Variants in NCKAP5 observed in about 807,000 individuals in gnomAD.
The protein encoded by NCKAP5 is NCK associated protein 5, also known as nck-associated protein 5.
A neutral mutation model predicts 167.0 loss-of-function variants in NCKAP5; 92 were observed. That is an observed-to-expected ratio of 0.55 (90% CI 0.47 to 0.66). NCKAP5 has a LOEUF of 0.66. Among genes scored for constraint, NCKAP5 ranks in the 30% least tolerant of loss-of-function variants. The pLI is 0.00. For synonymous variants in NCKAP5, 891 were observed against 877.4 expected (o/e 1.02, Z -0.27); for missense variants, 2,378 against 2,315.0 (o/e 1.03, Z -0.56).
chr2:133,636,332 C>G, the NCKAP5 span, among the ~76,000 whole-genome samples: 1 of 152,098 alleles, frequency 6.6e-6, no homozygotes, highest in African/African-American at 2.4e-5. Flanking sequence ...AGACAGCCAG[C>G]AAAGAACACT....
chr2:133,610,282 G>C, the NCKAP5 span, among the ~76,000 whole-genome samples: 1 of 152,134 alleles, frequency 6.6e-6, no homozygotes, highest in East Asian at 1.9e-4. Flanking sequence ...TAGACCAGAG[G>C]GTTAATGAAA....
At chr2:133,179,509 C>T (rs567537471) in intron 5 of NCKAP5, among the ~76,000 whole-genome samples, 4 of 151,768 alleles carry the variant, frequency 2.6e-5, no homozygotes, top group Non-Finnish European at 4.4e-5. Flanking sequence ...TAGATGACAA[C>T]GAGAAGACAG....
chr2:133,526,233 A>AAGG (rs1427015398), intron 2 of NCKAP5, among the ~76,000 whole-genome samples: 9 of 97,786 alleles, frequency 9.2e-5, no homozygotes, highest in Admixed American at 2.2e-4. Flanking sequence ...GGAAGAAAGG[A>AAGG]AAGGAGGGAG....
intron 3 of NCKAP5, among the ~76,000 whole-genome samples, chr2:133,338,227 G>A (rs1448305586): frequency 1.3e-5 from 2 of 152,174 alleles, no homozygotes; most frequent in African/African-American, 2.4e-5. Flanking sequence ...AAGCAGTGGA[G>A]TGAAATTCTA....
intron 7 of NCKAP5, among the ~76,000 whole-genome samples, chr2:132,966,300 AG>A (rs1313892768): frequency 6.6e-6 from 1 of 152,112 alleles, no homozygotes; most frequent in Admixed American, 6.5e-5. Context: ...GGGTTTCACC[AG>A]GTTAGCCAGG....
chr2:133,122,465 G>A (rs566535103), intron 6 of NCKAP5: 1 of 152,190 alleles, frequency 6.6e-6, no homozygotes, highest in South Asian at 2.1e-4. Context: ...AAACAATTCT[G>A]GTTGTCATAA....
chr2:133,620,969 C>T, the NCKAP5 span, among the ~76,000 whole-genome samples: 77 of 152,168 alleles, frequency 5.1e-4, no homozygotes, highest in African/African-American at 1.8e-3. Context: ...CCAAAAGGAA[C>T]CCTCAAAACC....
chr2:133,374,597 T>C (rs1334895185), intron 3 of NCKAP5, among the ~76,000 whole-genome samples: 2 of 135,100 alleles, frequency 1.5e-5, no homozygotes, highest in East Asian at 4.3e-4. Context: ...ATGTTGGTGA[T>C]GGGGAGAAGT....
chr2:133,056,408 T>C (rs1380732021), intron 6 of NCKAP5, among the ~76,000 whole-genome samples: 2 of 152,136 alleles, frequency 1.3e-5, no homozygotes, highest in Non-Finnish European at 2.9e-5. Flanking sequence ...ATAATAGTTA[T>C]TTAATAATAT....
the NCKAP5 span, among the ~76,000 whole-genome samples, chr2:133,609,620 C>T: frequency 6.6e-6 from 1 of 152,038 alleles, no homozygotes; most frequent in South Asian, 2.1e-4. Flanking sequence ...GGCCAGTCTT[C>T]CTGATTTTAT....
chr2:132,790,736 T>C (rs1183842324), intron 12 of NCKAP5, among the ~76,000 whole-genome samples: 1 of 152,198 alleles, frequency 6.6e-6, no homozygotes, highest in Non-Finnish European at 1.5e-5. Flanking sequence ...TTACTCTCTT[T>C]CTTCAAAGGA....
At chr2:132,795,479 A>C (rs560614265) in intron 12 of NCKAP5, among the ~76,000 whole-genome samples, 1 of 152,308 alleles carries the variant, frequency 6.6e-6, no homozygotes, top group African/African-American at 2.4e-5. Context: ...AAACATTCTT[A>C]CTGTGAGAAA....
chr2:133,257,732 G>A (rs1408426322), intron 4 of NCKAP5, among the ~76,000 whole-genome samples: 1 of 152,162 alleles, frequency 6.6e-6, no homozygotes, highest in African/African-American at 2.4e-5. Context: ...CCTAGAGGCC[G>A]GTTCTTGGAG....
chr2:132,742,867 G>A (rs1460919630), intron 16 of NCKAP5, among the ~76,000 whole-genome samples: 2 of 151,790 alleles, frequency 1.3e-5, no homozygotes, highest in African/African-American at 2.4e-5. Context: ...TGTTGACGAA[G>A]GGAAGACTGA....
chr2:133,010,564 C>G (rs1037184603), intron 6 of NCKAP5, among the ~76,000 whole-genome samples: 5 of 152,152 alleles, frequency 3.3e-5, no homozygotes, highest in Non-Finnish European at 5.9e-5. Context: ...CTCAGGTTTC[C>G]TTTAGTGTTT....
chr2:132,769,696 G>A (rs1252070888), intron 16 of NCKAP5, among the ~76,000 whole-genome samples: 8 of 152,212 alleles, frequency 5.3e-5, no homozygotes, highest in Non-Finnish European at 1.2e-4. Context: ...ATGCAATGGA[G>A]GCTGGAAAGC....
At chr2:133,563,651 C>T (rs959649862) in intron 1 of NCKAP5, among the ~76,000 whole-genome samples, 14 of 144,868 alleles carry the variant, frequency 9.7e-5, no homozygotes, top group East Asian at 4.3e-4. Flanking sequence ...TGCGCATAGG[C>T]GTTAGACACT....
chr2:132,937,694 C>T (rs913829014), intron 8 of NCKAP5, among the ~76,000 whole-genome samples: 20 of 152,170 alleles, frequency 1.3e-4, no homozygotes, highest in African/African-American at 4.3e-4. Context: ...AGCAACATGC[C>T]AGACCATTAA....
the NCKAP5 span, among the ~76,000 whole-genome samples, chr2:133,639,337 G>C: frequency 6.6e-6 from 1 of 152,094 alleles, no homozygotes; most frequent in African/African-American, 2.4e-5. Context: ...AAAAACTCTT[G>C]TTCACGTAGA....
Sources: allele counts gnomAD v4.1 joint callset (sites outside exome capture counted in the v4.1 genomes callset), GRCh38; gene constraint gnomAD v4.1.1; transcripts MANE v1.5; gene names NCBI Gene and HGNC (gene_info 2026-07-23, HGNC 2026-07-21).